DAP: variants seen among roughly 807,000 people sequenced by gnomAD.
DAP encodes the protein death-associated protein 1.
DAP carries 8 observed loss-of-function variants against 13.8 expected under a neutral mutation model. The ratio of observed to expected loss-of-function variants is 0.58; its 90% CI spans 0.34 to 1.05. The LOEUF is 1.05. Ranked by LOEUF, DAP falls within the 50% of genes least tolerant of loss-of-function variation. DAP has a pLI of 0.03. For synonymous variants in DAP, 47 were observed against 47.5 expected, an observed-to-expected ratio of 0.99 and a Z score of 0.04; for missense variants, 106 against 133.2, an observed-to-expected ratio of 0.80 and a Z score of 1.01.
At chr5:10,760,880 T>TCGGG (rs1372741909) in intron 1 of DAP, 134 bp downstream of exon 1, 5 of 458,356 alleles carry the variant, frequency 1.1e-5, no homozygotes, top group African/African-American at 2.1e-5. Flanking sequence ...CCCGCGCCCC[T>TCGGG]CGGGCGGGCA....
intron 1 of DAP, among the ~76,000 whole-genome samples, chr5:10,748,781 GA>G (rs1739974517): frequency 6.6e-6 from 1 of 152,256 alleles, no homozygotes; most frequent in African/African-American, 2.4e-5. Context: ...ACTGTGCTGT[GA>G]AACCCTACCG....
At chr5:10,758,619 G>C (rs182172502) in intron 1 of DAP, among the ~76,000 whole-genome samples, 1 of 152,132 alleles carries the variant, frequency 6.6e-6, no homozygotes, top group South Asian at 2.1e-4. Flanking sequence ...GAAGCGGGAC[G>C]TGAGACTCAC....
chr5:10,683,534 CGATGACCCCAGA>C lies in DAP; in HGVS notation c.178_189del (p.Ser60_Ile63del). On this transcript the variant is annotated inframe_deletion, in exon 3 of 4. Transcript: ENST00000230895. The stretch of plus-strand genomic sequence containing the variant: ...GCAGACACTCCCAGACTTACCCGGG[CGATGACCCCAGA>C]GATGAACACAGTGGGTTTAGGTGGA... 1 of 1,613,746 alleles carries C rather than the reference CGATGACCCCAGA, an allele frequency of 6.2e-7. No homozygotes were observed. The highest frequency in any genetic ancestry group is 8.5e-7 in the Non-Finnish European group (1 of 1,179,958).
At chr5:10,684,600 GTCT>G (rs945486722) in intron 2 of DAP, among the ~76,000 whole-genome samples, 5 of 152,194 alleles carry the variant, frequency 3.3e-5, no homozygotes, top group Non-Finnish European at 5.9e-5. Context: ...GTACGTGCTT[GTCT>G]TCTTATTAAC....
intron 2 of DAP, among the ~76,000 whole-genome samples, chr5:10,729,247 T>A (rs895393813): frequency 6.6e-6 from 1 of 152,228 alleles, no homozygotes; most frequent in African/African-American, 2.4e-5. Flanking sequence ...TAGGTAGGAA[T>A]GTTAGATAAA....
intron 2 of DAP, among the ~76,000 whole-genome samples, chr5:10,733,360 A>G (rs949186704): frequency 3.3e-5 from 5 of 152,170 alleles, no homozygotes; most frequent in Non-Finnish European, 5.9e-5. Context: ...ATATGCCCAG[A>G]AGAGGACGAG....
chr5:10,758,644 C>T (rs962269322), intron 1 of DAP, among the ~76,000 whole-genome samples: 3 of 152,174 alleles, frequency 2.0e-5, no homozygotes, highest in African/African-American at 7.2e-5. Context: ...GCAAACACAG[C>T]CCCACCCTGT....
intron 2 of DAP, among the ~76,000 whole-genome samples, chr5:10,704,868 G>A (rs2126647643): frequency 6.6e-6 from 1 of 152,296 alleles, no homozygotes; most frequent in Non-Finnish European, 1.5e-5. Flanking sequence ...GAGGTAGACA[G>A]TCCCTGTGGT....
intron 2 of DAP, among the ~76,000 whole-genome samples, chr5:10,696,302 A>G (rs920174933): frequency 6.6e-6 from 1 of 152,164 alleles, no homozygotes; most frequent in Admixed American, 6.5e-5. Context: ...CAGCCCAGGC[A>G]CCACTTCCTG....
intron 1 of DAP, 127 bp downstream of exon 1, chr5:10,760,887 G>A (rs968977330): frequency 9.3e-5 from 47 of 505,806 alleles, no homozygotes; most frequent in Non-Finnish European, 1.2e-4. Flanking sequence ...CCCTCGGGCG[G>A]GCATCAAGGC....
At chr5:10,758,431 A>G (rs2918410) in intron 1 of DAP, among the ~76,000 whole-genome samples, 13 of 44,994 alleles carry the variant, frequency 2.9e-4, no homozygotes, top group South Asian at 2.2e-3. Context: ...CATTTGAGGG[A>G]TGCTGCTGGC....
intron 2 of DAP, among the ~76,000 whole-genome samples, chr5:10,723,097 A>AT (rs1270915893): frequency 1.3e-5 from 2 of 152,192 alleles, no homozygotes; most frequent in African/African-American, 4.8e-5. Context: ...TGCCTTATGT[A>AT]TTTTGCCATG....
intron 2 of DAP, among the ~76,000 whole-genome samples, chr5:10,746,489 C>A (rs1000695071): frequency 3.9e-5 from 6 of 152,066 alleles, no homozygotes; most frequent in African/African-American, 1.4e-4. Context: ...GCCACCACAC[C>A]TGACTGATTT....
In DAP at chr5:10,719,373, C is replaced by T. The variant is rs371718448; in HGVS notation, c.152+28802G>A. Reference sequence around the variant, plus strand: ...GGGCCATATGACCCAGCAGATCCAACGGTGCTGGAGTTGTCAGTGGCAGAT... The same window carrying T: ...GGGCCATATGACCCAGCAGATCCAATGGTGCTGGAGTTGTCAGTGGCAGAT... On this transcript the variant is annotated intron_variant, in intron 2 of 3. Transcript: ENST00000230895. 2.6e-5 allele frequency among the ~76,000 whole-genome samples: 4 copies of T among 152,322 alleles called. No homozygotes were observed. In the East Asian group the frequency reaches 5.8e-4, roughly 22 times the overall value.
At chr5:10,739,076 C>T (rs957609376) in intron 2 of DAP, among the ~76,000 whole-genome samples, 3 of 151,814 alleles carry the variant, frequency 2.0e-5, no homozygotes, top group Non-Finnish European at 4.4e-5. Flanking sequence ...GTGGCATGTG[C>T]CTGTAGTCCC....
intron 1 of DAP, among the ~76,000 whole-genome samples, chr5:10,757,158 C>T (rs1740209141): frequency 6.6e-6 from 1 of 152,232 alleles, no homozygotes. Context: ...AGGCACCTGG[C>T]CAGTGATGGA....
At chr5:10,714,565 G>GA (rs914234058) in intron 2 of DAP, among the ~76,000 whole-genome samples, 1 of 152,092 alleles carries the variant, frequency 6.6e-6, no homozygotes, top group African/African-American at 2.4e-5. Context: ...AAAATATACA[G>GA]AAAAAAATTC....
chr5:10,736,535 G>A (rs950680287), intron 2 of DAP, among the ~76,000 whole-genome samples: 8 of 152,206 alleles, frequency 5.3e-5, no homozygotes, highest in Non-Finnish European at 1.0e-4. Flanking sequence ...CTCGGCTGCC[G>A]TCAGGGGGTT....
Position 10,679,708 on chromosome 5 carries a change from T to A in DAP, c.*1348A>T, listed in dbSNP as rs540299835. 2.0e-5 allele frequency: 3 copies of A among 152,584 alleles called. No homozygotes were observed. In the East Asian group the frequency reaches 5.6e-4, roughly 29 times the overall value. The allele number at this position is 152,584 out of a possible 1,614,324, so 9.5% of individuals were successfully genotyped here. On this transcript the variant is annotated 3_prime_UTR_variant, in exon 4 of 4. Coordinates refer to ENST00000230895, the MANE Select transcript of DAP (RefSeq NM_004394.3). ...GGGAAACCAAACACCGTCTTTCAAG[T>A]GTGAGGCTGTGCCATGCTCCCTCAG...
Sources: allele counts gnomAD v4.1 joint callset (sites outside exome capture counted in the v4.1 genomes callset), GRCh38; gene constraint gnomAD v4.1.1; transcripts MANE v1.5; gene names NCBI Gene and HGNC (gene_info 2026-07-23, HGNC 2026-07-21).